FAT1: variants seen among roughly 807,000 people sequenced by gnomAD.
FAT1 encodes the protein FAT atypical cadherin 1.
A neutral mutation model predicts 329.8 loss-of-function variants in FAT1; 171 were observed. The observed-to-expected ratio is 0.52, with a 90% confidence interval of 0.46 to 0.59. FAT1 has a LOEUF of 0.59. FAT1 is among the 20% of genes least tolerant of loss of function. The pLI, the probability that FAT1 is intolerant of heterozygous loss-of-function variation, is 0.00. For missense variants in FAT1, 5,672 were observed against 5,774.4 expected, an observed-to-expected ratio of 0.98 and a Z score of 0.57; for synonymous variants, 2,233 against 2,228.6, an observed-to-expected ratio of 1.00 and a Z score of -0.06.
At chr4:186,667,625 C>A (rs754083810) in intron 2 of FAT1, among the ~76,000 whole-genome samples, 1 of 152,146 alleles carries the variant, frequency 6.6e-6, no homozygotes. Flanking sequence ...GAGAGGAGGG[C>A]ACACCGAAGA....
Position 186,619,115 on chromosome 4 carries a change from C to A in FAT1, c.7471G>T (p.Ala2491Ser), listed in dbSNP as rs763801440. 3 of 1,613,842 alleles carry A rather than the reference C, an allele frequency of 1.9e-6. No individual in the cohort carries two copies. The African/African-American group carries it at 4.0e-5, about 22-fold the overall frequency. ...TVIGGNLHSP[A>S]FLQNEYEVEL... is the part of the protein sequence containing the mutation. The stretch of plus-strand genomic sequence containing the variant: ...ACTTCATATTCGTTCTGAAGGAAAG[C>A]AGGACTGTGCAAATTGCCTCCAATT... The change falls in exon 10 of 27, where the codon GCT (alanine) becomes TCT (serine). Residue 2491 changes from alanine to serine, a missense_variant. Ala to Ser is a moderately conservative substitution (Grantham distance 99, BLOSUM62 1). This residue lies in a region of FAT1 where 3,966 missense variants were observed against 3,915.2 expected (regional missense o/e 1.01). Coordinates refer to ENST00000441802, the MANE Select transcript of FAT1 (RefSeq NM_005245.4).
intron 3 of FAT1, among the ~76,000 whole-genome samples, chr4:186,646,118 C>T (rs998283102): frequency 2.0e-5 from 3 of 151,966 alleles, no homozygotes; most frequent in African/African-American, 7.3e-5. Flanking sequence ...TCGATGACCC[C>T]ACACTGAAAG....
At chr4:186,693,835 C>T (rs994706063) in intron 2 of FAT1, among the ~76,000 whole-genome samples, 2 of 152,244 alleles carry the variant, frequency 1.3e-5, no homozygotes, top group Non-Finnish European at 2.9e-5. Flanking sequence ...GATTTGCCTA[C>T]ACTTATTCCA....
At chr4:186,669,112 CCCT>C (rs1446096200) in intron 2 of FAT1, among the ~76,000 whole-genome samples, 1 of 152,194 alleles carries the variant, frequency 6.6e-6, no homozygotes, top group Non-Finnish European at 1.5e-5. Flanking sequence ...TCTGCGGTCT[CCCT>C]CCTGTCTTCG....
At chr4:186,631,704 C>T (rs1315250028) in intron 7 of FAT1, among the ~76,000 whole-genome samples, 18 of 151,818 alleles carry the variant, frequency 1.2e-4, no homozygotes, top group African/African-American at 3.6e-4. Flanking sequence ...TCCATCCCCG[C>T]GGTATCCTAG....
In FAT1 at chr4:186,620,284, C is replaced by A. The variant is rs755378789; in HGVS notation, c.6302G>T (p.Arg2101Leu). Reference sequence around the variant, plus strand: ...GTCTCTGTCTACAGCAGTGACATAGCGAATGACATGGCCCACCTCAGTGTC... The same window carrying A: ...GTCTCTGTCTACAGCAGTGACATAGAGAATGACATGGCCCACCTCAGTGTC... Reference protein sequence around the residue: ...KVDTEVGHVIRYVTAVDRDSG... With the variant: ...KVDTEVGHVILYVTAVDRDSG... Residue 2101 changes from arginine (R) to leucine (L), a missense_variant, in exon 10 of 27, where the codon CGC (arginine) becomes CTC (leucine). Transcript: ENST00000441802. 7 of 1,613,838 alleles carry A rather than the reference C, an allele frequency of 4.3e-6. No individual in the cohort carries two copies. Among genetic ancestry groups the A allele is most frequent in the Non-Finnish European group, 5.9e-6 (7 of 1,179,890 alleles).
chr4:186,642,776 G>T (rs1361042680), intron 3 of FAT1, among the ~76,000 whole-genome samples: 1 of 152,210 alleles, frequency 6.6e-6, no homozygotes, highest in Non-Finnish European at 1.5e-5. Flanking sequence ...CACACCCACA[G>T]AAGTGAGCAT....
chr4:186,700,239 G>T (rs751038004), intron 2 of FAT1, among the ~76,000 whole-genome samples: 1 of 152,220 alleles, frequency 6.6e-6, no homozygotes, highest in African/African-American at 2.4e-5. Context: ...GTTTCCACAA[G>T]AAAAGCCTTC....
rs1297634028 is a variant in FAT1 at position 186,600,245 on chromosome 4, T to C, written c.11756A>G (p.Asn3919Ser). ...TAGAACCAAGCGAGCATAGTTTCCA[T>C]TCACTTCCAGGGCCACTGCGTGCCA... ...GQWHAVALEV[N>S]GNYARLVLDQ... Residue 3919 changes from asparagine (N) to serine (S), a missense_variant, in exon 22 of 27, where the codon AAT becomes AGT. By Grantham distance (46) the Asn-to-Ser change is conservative. Transcript: ENST00000441802. The C allele has an allele frequency of 1.2e-6, 2 of 1,614,014 alleles. No homozygotes were observed. Among genetic ancestry groups the C allele is most frequent in the Non-Finnish European group, 8.5e-7 (1 of 1,179,882 alleles).
chr4:186,679,163 G>A (rs900732445), intron 2 of FAT1, among the ~76,000 whole-genome samples: 5 of 152,016 alleles, frequency 3.3e-5, no homozygotes, highest in African/African-American at 4.8e-5. Context: ...GGTGGATCAC[G>A]AGGTCAGGAG....
rs1738061009 is a variant in FAT1 at position 186,588,502 on chromosome 4, A to G, written c.*90T>C. On this transcript the variant is annotated 3_prime_UTR_variant, in exon 27 of 27. Transcript: ENST00000441802. Reference sequence around the variant, plus strand: ...CATGCCCATTCGGCTCACCAAAAAAAGCTTGGAAGCACTGCTGCAAAGAAC... The same window carrying G: ...CATGCCCATTCGGCTCACCAAAAAAGGCTTGGAAGCACTGCTGCAAAGAAC... The G allele has an allele frequency of 2.0e-6, 3 of 1,468,740 alleles. No homozygotes were observed. Among genetic ancestry groups the G allele is most frequent in the South Asian group, 2.8e-5 (2 of 71,882 alleles). 91.0% of individuals were successfully genotyped at this position (1,468,740 alleles called of 1,614,324 possible).
chr4:186,624,399 G>A (rs995899373), intron 9 of FAT1, among the ~76,000 whole-genome samples: 13 of 152,248 alleles, frequency 8.5e-5, no homozygotes, highest in South Asian at 6.2e-4. Flanking sequence ...GGCACCCTCC[G>A]TTGACTCTCA....
rs1738593796 is a variant in FAT1 at position 186,597,629 on chromosome 4, C to T, written c.12368+53G>A. ...CTGAAGGTCTGTTGCATCTGCCAGT[C>T]AATATGACGCTATGAAAAGGTATGA... On this transcript the variant is annotated intron_variant, in intron 24 of 26. Coordinates refer to ENST00000441802, the MANE Select transcript of FAT1 (RefSeq NM_005245.4). The T allele has an allele frequency of 5.4e-6, 7 of 1,304,026 alleles. No individual in the cohort carries two copies. In the East Asian group the frequency reaches 1.6e-4, roughly 30 times the overall value. 80.8% of individuals were successfully genotyped at this position (1,304,026 alleles called of 1,614,324 possible).
intron 2 of FAT1, among the ~76,000 whole-genome samples, chr4:186,676,418 A>AT (rs1297675514): frequency 6.6e-6 from 1 of 152,274 alleles, no homozygotes; most frequent in South Asian, 2.1e-4. Context: ...ATATAAAAAT[A>AT]TTTTTTAAAC....
At chr4:186,606,016 A>G (rs1259066375) in intron 17 of FAT1, 54 bp downstream of exon 17, 34 of 1,546,362 alleles carry the variant, frequency 2.2e-5, no homozygotes, top group Non-Finnish European at 2.8e-5. Context: ...ACAGAGGCCA[A>G]TGGAAAAGCT....
intron 3 of FAT1, among the ~76,000 whole-genome samples, chr4:186,643,411 CA>C (rs1310673973): frequency 1.3e-5 from 2 of 152,126 alleles, no homozygotes; most frequent in East Asian, 3.8e-4. Flanking sequence ...CAACACTTAG[CA>C]AAAAGAATCT....
intron 3 of FAT1, among the ~76,000 whole-genome samples, chr4:186,656,415 G>A (rs1295266297): frequency 6.6e-6 from 1 of 152,214 alleles, no homozygotes; most frequent in Non-Finnish European, 1.5e-5. Flanking sequence ...GGAAGGGAAC[G>A]GAGTGTCTGG....
At chr4:186,724,678 C>A (rs150849396), upstream of FAT1, among the ~76,000 whole-genome samples, 1 of 152,190 alleles carries the variant, frequency 6.6e-6, no homozygotes, top group Non-Finnish European at 1.5e-5. The surrounding 1 kb of genome is among the most constrained non-coding windows in gnomAD (Gnocchi z 5.3). Context: ...CTGAGCGTCC[C>A]GGGCGCGGAG....
rs577624277 is a variant in FAT1, at chr4:186,678,252, C to T, written c.3266-14639G>A. Among the ~76,000 whole-genome samples, 24 of 152,060 alleles carry T rather than the reference C, an allele frequency of 1.6e-4. 1 individual carries two copies. In the South Asian group the frequency reaches 5.0e-3, roughly 32 times the overall value. On this transcript the variant is annotated intron_variant, in intron 2 of 26. Transcript: ENST00000441802. ...ACACACAAGTGTTCATTATAACACA[C>T]TAGTTGTAATTAAGTAGCAGGGTGG...
Sources: gnomAD v4.1 joint callset for allele counts (sites outside exome capture counted in the v4.1 genomes callset) on GRCh38, gnomAD v4.1.1 for gene constraint, gnomAD v4.1.1 regional missense constraint, Gnocchi (gnomAD v3.1) non-coding constraint, MANE v1.5 for transcripts, NCBI Gene and HGNC (gene_info 2026-07-23, HGNC 2026-07-21) for gene names.